The following PIK3AP1 variants were observed in gnomAD, a reference collection of about 807,000 sequenced individuals.
PIK3AP1 encodes the protein phosphoinositide-3-kinase adaptor protein 1.
In PIK3AP1, 21 loss-of-function variants were observed where a neutral mutation model predicts 88.1. That is an observed-to-expected ratio of 0.24 (90% CI 0.17 to 0.34). The LOEUF (loss-of-function observed/expected upper bound fraction) is 0.34. Among genes scored for constraint, PIK3AP1 ranks in the 10% least tolerant of loss-of-function variants. PIK3AP1 has a pLI of 1.00. For missense variants in PIK3AP1, 828 were observed against 1,035.7 expected (o/e 0.80, Z 2.75); for synonymous variants, 398 against 400.0 (o/e 1.00, Z 0.06).
intron 2 of PIK3AP1, among the ~76,000 whole-genome samples, chr10:96,692,479 C>A (rs568329162): frequency 6.6e-6 from 1 of 151,934 alleles, no homozygotes; most frequent in East Asian, 1.9e-4. Flanking sequence ...GAGGCTGAGG[C>A]AGCAGAATCG....
chr10:96,617,742 AG>A (rs1390030367), intron 12 of PIK3AP1, among the ~76,000 whole-genome samples: 2 of 152,136 alleles, frequency 1.3e-5, no homozygotes, highest in African/African-American at 4.8e-5. Context: ...GAAGCACGGG[AG>A]AAGGCCAAAG....
chr10:96,669,549 G>C (rs971006947), intron 2 of PIK3AP1: 9 of 152,364 alleles, frequency 5.9e-5, no homozygotes, highest in African/African-American at 2.2e-4. Flanking sequence ...CAAGTGCTTT[G>C]GGAAGCCGAG....
intron 7 of PIK3AP1, 123 bp from the exon 8 acceptor site, chr10:96,645,785 TTGTG>T (rs1357831926): frequency 1.3e-6 from 1 of 756,002 alleles, no homozygotes. Context: ...TTACAACTGG[TTGTG>T]TGTATTTGTA....
At chr10:96,649,645 C>T (rs745862711) in intron 6 of PIK3AP1, among the ~76,000 whole-genome samples, 10 of 152,182 alleles carry the variant, frequency 6.6e-5, no homozygotes, top group African/African-American at 1.7e-4. Context: ...TTAGACTTTC[C>T]GCTGCCTTTA....
intron 8 of PIK3AP1, among the ~76,000 whole-genome samples, chr10:96,644,508 T>G (rs1208728800): frequency 5.9e-5 from 9 of 152,192 alleles, no homozygotes; most frequent in Non-Finnish European, 1.0e-4. Context: ...CTCAACTCAG[T>G]TAAAGATTCC....
chr10:96,624,028 C>G (rs1368827881), intron 10 of PIK3AP1, among the ~76,000 whole-genome samples: 8 of 152,196 alleles, frequency 5.3e-5, no homozygotes, highest in Admixed American at 5.2e-4. Flanking sequence ...GACAAAATCT[C>G]ACTTAGTGGT....
chr10:96,600,468 T>G (rs1848867934), intron 16 of PIK3AP1, among the ~76,000 whole-genome samples: 1 of 152,204 alleles, frequency 6.6e-6, no homozygotes, highest in Non-Finnish European at 1.5e-5. Flanking sequence ...CTGCTAAGCT[T>G]CCTTCCAGGA....
rs536204503 is a variant in PIK3AP1 at position 96,633,777 on chromosome 10, T to C, written c.1376-5284A>G. On this transcript the variant is annotated intron_variant, in intron 8 of 16. Coordinates refer to ENST00000339364, the MANE Select transcript of PIK3AP1 (RefSeq NM_152309.3). ...CATATTCTCAAATACTTCATTATTA[T>C]ATTTAGCCTAGTAAAAACTATGCCT... Among the ~76,000 whole-genome samples, 8 of 152,374 alleles carry C rather than the reference T, an allele frequency of 5.3e-5. No individual in the cohort carries two copies. In the East Asian group the frequency reaches 5.8e-4, roughly 11 times the overall value.
chr10:96,632,553 A>C (rs200832916), intron 8 of PIK3AP1, among the ~76,000 whole-genome samples: 1 of 103,858 alleles, frequency 9.6e-6, no homozygotes, highest in Admixed American at 1.2e-4. Context: ...TGTGGAGCAC[A>C]TGTGTGTGGA....
intron 1 of PIK3AP1, among the ~76,000 whole-genome samples, chr10:96,718,953 C>T (rs191243643): frequency 3.2e-4 from 49 of 152,306 alleles, no homozygotes; most frequent in Middle Eastern, 3.4e-3. Flanking sequence ...AGCCTCCTCC[C>T]CCTGGAAATC....
At chr10:96,654,956 A>G (rs1267568033) in intron 3 of PIK3AP1, among the ~76,000 whole-genome samples, 2 of 152,250 alleles carry the variant, frequency 1.3e-5, no homozygotes, top group Non-Finnish European at 2.9e-5. Context: ...TGGCCCATGT[A>G]CAGGGTTGCT....
intron 2 of PIK3AP1, chr10:96,700,914 C>T: frequency 1.0e-6 from 1 of 981,086 alleles, no homozygotes. Context: ...CAAGGCCAGG[C>T]TCTGAGCCCC....
At chr10:96,713,861 A>G (rs1001040073) in intron 1 of PIK3AP1, among the ~76,000 whole-genome samples, 51 of 152,166 alleles carry the variant, frequency 3.4e-4, no homozygotes, top group African/African-American at 1.1e-3. Flanking sequence ...ACATCATAAT[A>G]CTTGCTGTTC....
At chr10:96,677,203 C>T (rs147728136) in intron 2 of PIK3AP1, among the ~76,000 whole-genome samples, 101 of 152,286 alleles carry the variant, frequency 6.6e-4, no homozygotes, top group Non-Finnish European at 9.8e-4. Flanking sequence ...CTTCTGCCCC[C>T]GTGACACATA....
At chr10:96,702,497 CAA>C (rs573292210) in intron 2 of PIK3AP1, among the ~76,000 whole-genome samples, 24 of 95,682 alleles carry the variant, frequency 2.5e-4, no homozygotes, top group Non-Finnish European at 1.8e-4. Flanking sequence ...GACTTCGTCT[CAA>C]AAAAAAAAAA....
intron 15 of PIK3AP1, 94 bp from the exon 16 acceptor site, chr10:96,602,492 T>C (rs1040405018): frequency 9.4e-6 from 10 of 1,068,534 alleles, no homozygotes; most frequent in South Asian, 1.3e-5. Flanking sequence ...TGGTCCTCCT[T>C]AGGCTGGGGC....
At chr10:96,634,203 C>A (rs1193353999) in intron 8 of PIK3AP1, among the ~76,000 whole-genome samples, 1 of 152,194 alleles carries the variant, frequency 6.6e-6, no homozygotes, top group African/African-American at 2.4e-5. Flanking sequence ...GAGCCTAAAG[C>A]CAGACGATCC....
chr10:96,685,443 A>G (rs1289327972), intron 2 of PIK3AP1, among the ~76,000 whole-genome samples: 2 of 152,226 alleles, frequency 1.3e-5, no homozygotes, highest in Non-Finnish European at 2.9e-5. Context: ...CCCTGGAGCC[A>G]TAGTTGGGCT....
chr10:96,650,615 C>T (rs544601938), intron 6 of PIK3AP1, among the ~76,000 whole-genome samples: 8 of 152,068 alleles, frequency 5.3e-5, no homozygotes, highest in Non-Finnish European at 1.2e-4. Flanking sequence ...TGCTGGTGGT[C>T]GGGGGGTGCC....
Sources: allele counts gnomAD v4.1 joint callset (sites outside exome capture counted in the v4.1 genomes callset), GRCh38; gene constraint gnomAD v4.1.1; transcripts MANE v1.5; gene names NCBI Gene and HGNC (gene_info 2026-07-23, HGNC 2026-07-21).